The following NCOA2 variants were observed in gnomAD, a reference collection of about 807,000 sequenced individuals.
The protein encoded by NCOA2 is nuclear receptor coactivator 2.
NCOA2 carries 21 observed loss-of-function variants against 145.1 expected under a neutral mutation model. The ratio of observed to expected loss-of-function variants is 0.14; its 90% CI spans 0.10 to 0.21. The LOEUF (loss-of-function observed/expected upper bound fraction) is 0.21, where lower values mean the gene tolerates loss of function less well. NCOA2 is among the 10% of genes least tolerant of loss of function. The pLI is 1.00. For synonymous variants in NCOA2, 619 were observed against 637.5 expected (o/e 0.97, Z 0.44); for missense variants, 1,472 against 1,837.6 (o/e 0.80, Z 3.64).
intron 1 of NCOA2, among the ~76,000 whole-genome samples, chr8:70,376,146 G>A (rs1165728190): frequency 6.6e-6 from 1 of 152,160 alleles, no homozygotes; most frequent in East Asian, 1.9e-4. Context: ...AACAGGGCAG[G>A]AGGAGGATAA....
upstream of NCOA2, chr8:70,403,852 C>T (rs1814622806): frequency 5.3e-6 from 2 of 380,494 alleles, no homozygotes. Flanking sequence ...CAACTCCCTC[C>T]TCCTCCTCCT....
chr8:70,170,719 T>C (rs1215776163), intron 5 of NCOA2, among the ~76,000 whole-genome samples: 2 of 152,292 alleles, frequency 1.3e-5, no homozygotes, highest in East Asian at 1.9e-4. Flanking sequence ...ACTGACATAC[T>C]CCACGGGGCC....
At position 70,156,928 on chromosome 8, in the gene NCOA2, T is replaced by C. The variant is rs781075814; in HGVS notation, c.1437A>G (p.Pro479=). 1 of 1,614,052 alleles carries C rather than the reference T, an allele frequency of 6.2e-7. No individual in the cohort carries two copies. Among genetic ancestry groups the C allele is most frequent in the East Asian group, 2.2e-5 (1 of 44,886 alleles). The part of the protein sequence containing the change: ...SPSQSSPGMN[P]GQPTSMLSPR... ...GTGAAAGCATGGAGGTGGGCTGTCCTGGATTCATGCCAGGGCTGCTTTGTG... is the reference window on the plus strand; with the variant it reads ...GTGAAAGCATGGAGGTGGGCTGTCCCGGATTCATGCCAGGGCTGCTTTGTG... Residue 479 remains proline (P), a synonymous_variant, in exon 11 of 23, where the codon CCA becomes CCG. Transcript: ENST00000452400.
chr8:70,452,308 A>G, the NCOA2 span, among the ~76,000 whole-genome samples: 1 of 152,208 alleles, frequency 6.6e-6, no homozygotes, highest in East Asian at 1.9e-4. Flanking sequence ...TTCTCCAAAG[A>G]AATAAAAAGT....
At chr8:70,143,311 C>G (rs1409227369) in intron 13 of NCOA2, among the ~76,000 whole-genome samples, 2 of 152,122 alleles carry the variant, frequency 1.3e-5, no homozygotes, top group Non-Finnish European at 2.9e-5. Context: ...GACACCAGTG[C>G]TCTCTTGGCT....
At chr8:70,249,977 A>AAAAAAAAAGAAGAAG (rs751876043) in intron 2 of NCOA2, among the ~76,000 whole-genome samples, 1 of 137,918 alleles carries the variant, frequency 7.3e-6, no homozygotes, top group African/African-American at 2.8e-5. Context: ...AAAAAAAAAA[A>AAAAAAAAAGAAGAAG]AAGAAGAAGA....
chr8:70,159,242 A>ATATTTT lies in NCOA2; in HGVS notation c.1124+262_1124+263insAAAATA. On this transcript the variant is annotated intron_variant, in intron 10 of 22. Coordinates refer to ENST00000452400, the MANE Select transcript of NCOA2 (RefSeq NM_006540.4). ...TAACATTATATATATATATATATATATTTTTTTTTTTTTCCCCCAAATATT... is the reference window on the plus strand; with the variant it reads ...TAACATTATATATATATATATATATATATTTTTTTTTTTTTTTTTCCCCCAAATATT... Among the ~76,000 whole-genome samples, 113 of 61,078 alleles carry ATATTTT rather than the reference A, an allele frequency of 1.9e-3. 1 individual carries two copies. The highest frequency in any genetic ancestry group is 0.015 in the South Asian group (41 of 2,754). 40.1% of individuals were successfully genotyped at this position (61,078 alleles called of 152,430 possible). A position where few individuals can be genotyped will look rare whatever the true frequency, so the allele number is the denominator to read the frequency against.
intron 1 of NCOA2, among the ~76,000 whole-genome samples, chr8:70,374,963 T>TAAAG (rs10648476): frequency 0.083 from 12,651 of 151,766 alleles, 1,735 homozygotes; most frequent in African/African-American, 0.29. Context: ...TTATATATAA[T>TAAAG]AAATCTACAG....
chr8:70,329,830 T>C (rs1230173240), intron 1 of NCOA2, among the ~76,000 whole-genome samples: 1 of 152,186 alleles, frequency 6.6e-6, no homozygotes, highest in Non-Finnish European at 1.5e-5. Context: ...AAGTACGTCT[T>C]ATATGATTCA....
chr8:70,410,760 T>C, the NCOA2 span, among the ~76,000 whole-genome samples: 1 of 152,212 alleles, frequency 6.6e-6, no homozygotes, highest in Non-Finnish European at 1.5e-5. Context: ...TGCAATAACA[T>C]GAATGAATTT....
chr8:70,125,413 G>A (rs1289648654), intron 19 of NCOA2, among the ~76,000 whole-genome samples: 9 of 152,018 alleles, frequency 5.9e-5, no homozygotes, highest in Non-Finnish European at 1.3e-4. Flanking sequence ...AGGCATGCAC[G>A]ACCATGCCCA....
chr8:70,145,731 G>C (rs944109693), intron 12 of NCOA2, among the ~76,000 whole-genome samples: 1 of 151,800 alleles, frequency 6.6e-6, no homozygotes, highest in African/African-American at 2.4e-5. Flanking sequence ...AAAAGGTTAA[G>C]AGATCCTCTT....
chr8:70,309,485 C>A (rs1293108732), intron 1 of NCOA2, among the ~76,000 whole-genome samples: 2 of 150,972 alleles, frequency 1.3e-5, no homozygotes, highest in African/African-American at 4.9e-5. Context: ...ATTTACCCAA[C>A]AAAGATTTAT....
At chr8:70,369,001 CA>C (rs573937877) in intron 1 of NCOA2, among the ~76,000 whole-genome samples, 14 of 150,692 alleles carry the variant, frequency 9.3e-5, no homozygotes, top group African/African-American at 2.7e-4. Context: ...AGTAAAGTCT[CA>C]AAAAAAAGGA....
Position 70,314,180 on chromosome 8 carries a change from C to CAAAAAA in NCOA2, c.-76-17386_-76-17381dup, listed in dbSNP as rs61028027. ...GGGCGACAGAGCAAGACTCTGACTC[C>CAAAAAA]AAAAAAAAAAAAAAAAAAAAAAAAA... On this transcript the variant is annotated intron_variant, in intron 1 of 22. Transcript: ENST00000452400. Among the ~76,000 whole-genome samples, 46 of 17,202 alleles carry CAAAAAA rather than the reference C, an allele frequency of 2.7e-3. 5 individuals are homozygous for CAAAAAA. Among genetic ancestry groups the CAAAAAA allele is most frequent in the African/African-American group, 4.8e-3 (43 of 8,958 alleles). The allele number at this position is 17,202 out of a possible 152,430, so 11.3% of individuals were successfully genotyped here. A position where few individuals can be genotyped will look rare whatever the true frequency, so the allele number is the denominator to read the frequency against.
intron 1 of NCOA2, among the ~76,000 whole-genome samples, chr8:70,371,150 G>C (rs907679858): frequency 6.6e-6 from 1 of 152,012 alleles, no homozygotes; most frequent in African/African-American, 2.4e-5. Flanking sequence ...TCAGCCGGGC[G>C]TGGTGGCAGG....
chr8:70,451,255 T>TATATATATATATATATAA, the NCOA2 span, among the ~76,000 whole-genome samples: 1 of 123,072 alleles, frequency 8.1e-6, no homozygotes, highest in African/African-American at 3.2e-5. Context: ...TATATATATA[T>TATATATATATATATATAA]AAATTAGCCA....
intron 16 of NCOA2, among the ~76,000 whole-genome samples, chr8:70,130,031 G>T (rs10091207): frequency 0.014 from 2,120 of 152,262 alleles, 58 homozygotes; most frequent in African/African-American, 0.049. Flanking sequence ...CCCATGTAGT[G>T]CTGGAGCCGC....
intron 11 of NCOA2, among the ~76,000 whole-genome samples, chr8:70,153,626 G>C (rs899304408): frequency 6.6e-6 from 1 of 152,192 alleles, no homozygotes; most frequent in Non-Finnish European, 1.5e-5. Flanking sequence ...CATGTGTCAA[G>C]AGACCGGAGT....
Sources: allele counts gnomAD v4.1 joint callset (sites outside exome capture counted in the v4.1 genomes callset), GRCh38; gene constraint gnomAD v4.1.1; transcripts MANE v1.5; gene names NCBI Gene and HGNC (gene_info 2026-07-23, HGNC 2026-07-21).